Variants in SYNE2 observed in about 807,000 individuals in gnomAD.
The protein encoded by SYNE2 is nesprin-2.
Under a neutral mutation model 856.3 loss-of-function variants are expected in SYNE2, and 431 were observed. The ratio of observed to expected loss-of-function variants is 0.50; its 90% CI spans 0.47 to 0.55. The LOEUF is 0.55. SYNE2 is among the 20% of genes least tolerant of loss of function. SYNE2 has a pLI of 0.00. For synonymous variants in SYNE2, 2,923 were observed against 2,872.3 expected (o/e 1.02, Z -0.56); for missense variants, 8,129 against 8,023.2 (o/e 1.01, Z -0.50).
At chr14:63,784,798 T>C (rs907165337) in intron 1 of SYNE2, among the ~76,000 whole-genome samples, 3 of 151,928 alleles carry the variant, frequency 2.0e-5, no homozygotes, top group Admixed American at 1.3e-4. Context: ...ATAGAGACCC[T>C]GTCTCCTATA....
At chr14:63,955,171 C>T (rs1362126982) in intron 8 of SYNE2, among the ~76,000 whole-genome samples, 1 of 152,264 alleles carries the variant, frequency 6.6e-6, no homozygotes, top group East Asian at 1.9e-4. Context: ...TGATTTTCTT[C>T]TATTATGTTC....
chr14:64,188,736 G>C (rs1555534982), intron 98 of SYNE2, 28 bp downstream of exon 98: 1 of 1,613,094 alleles, frequency 6.2e-7, no homozygotes, highest in South Asian at 1.1e-5. Context: ...GGTGGATGTA[G>C]TTATGACTAC....
At chr14:64,145,813 C>G (rs2098180291) in intron 83 of SYNE2, among the ~76,000 whole-genome samples, 1 of 152,086 alleles carries the variant, frequency 6.6e-6, no homozygotes, top group African/African-American at 2.4e-5. Context: ...ATTTTGTATA[C>G]ATCTGAAACT....
intron 3 of SYNE2, among the ~76,000 whole-genome samples, chr14:63,940,937 T>C (rs1474802545): frequency 2.6e-5 from 4 of 152,238 alleles, no homozygotes; most frequent in African/African-American, 9.6e-5. Context: ...CACATCTCTT[T>C]CATCAAGTGA....
intron 1 of SYNE2, among the ~76,000 whole-genome samples, chr14:63,843,831 A>G (rs914455375): frequency 2.0e-4 from 31 of 152,184 alleles, no homozygotes; most frequent in African/African-American, 7.5e-4. Context: ...GAATAGATTC[A>G]CCTGGGTCAT....
rs753288159 is a variant in SYNE2 at position 64,190,201 on chromosome 14, A to G, written c.18002A>G (p.Asp6001Gly). Residue 6001 changes from aspartate (D) to glycine (G), a missense_variant, in exon 99 of 116, where the codon GAT becomes GGT. Around this residue, in one of 3 missense-constraint regions of SYNE2, gnomAD observed 5,410 missense variants for 5,284.8 expected, o/e 1.02. Coordinates refer to ENST00000555002, the MANE Select transcript of SYNE2 (RefSeq NM_182914.3). ...GATGACAAGCTCAACAAAATTAACG[A>G]TCGTTGGCAACATCTTTTTGATGTC... ...EIDDKLNKIN[D>G]RWQHLFDVIG... is the part of the protein sequence containing the mutation. 4 of 1,614,032 alleles carry G rather than the reference A, an allele frequency of 2.5e-6. No individual in the cohort carries two copies. Among genetic ancestry groups the G allele is most frequent in the Non-Finnish European group, 3.4e-6 (4 of 1,180,034 alleles).
chr14:63,761,975 A>G (rs1886502382), exon 1 of SYNE2: 3 of 362,876 alleles, frequency 8.3e-6, no homozygotes, highest in South Asian at 2.4e-5. Context: ...GGACCCAGTG[A>G]CAGCGTGAGA....
At chr14:64,141,845 G>C in intron 81 of SYNE2, 97 bp from the exon 82 acceptor site, 1 of 1,278,204 alleles carries the variant, frequency 7.8e-7, no homozygotes, top group Non-Finnish European at 1.1e-6. Flanking sequence ...TAATTATATA[G>C]CAAGACCTTT....
chr14:63,987,933 T>C (rs2096638223), intron 19 of SYNE2, among the ~76,000 whole-genome samples: 1 of 152,142 alleles, frequency 6.6e-6, no homozygotes, highest in Non-Finnish European at 1.5e-5. Flanking sequence ...GATAATGTAA[T>C]CTCATTTGTG....
intron 1 of SYNE2, among the ~76,000 whole-genome samples, chr14:63,779,576 C>T (rs1887235636): frequency 6.6e-6 from 1 of 151,906 alleles, no homozygotes; most frequent in Non-Finnish European, 1.5e-5. Context: ...AACATTTCAA[C>T]TCAACATTGT....
intron 94 of SYNE2, chr14:64,173,775 T>C (rs1051111965): frequency 1.9e-6 from 1 of 527,530 alleles, no homozygotes; most frequent in Non-Finnish European, 3.3e-6. Context: ...GGAAAACATA[T>C]TTAGAACAGA....
At position 64,177,369 on chromosome 14, in the gene SYNE2, G is replaced by T. The variant is rs2098439898; in HGVS notation, c.17442G>T (p.Gln5814His). The part of the protein sequence containing the change: ...QFQSTVETWD[Q>H]CEKKIKELKS... ...TTGTTTTCAAATAGACCTGGGACCA[G>T]TGTGAAAAGAAAATCAAGGAGTTGA... The change falls in exon 96 of 116, where the codon CAG becomes CAT. Residue 5814 changes from glutamine to histidine, a missense_variant. Transcript: ENST00000555002. 6.2e-7 allele frequency: 1 copy of T among 1,614,168 alleles called. No homozygotes were observed. The highest frequency in any genetic ancestry group is 8.5e-7 in the Non-Finnish European group (1 of 1,180,026).
intron 1 of SYNE2, among the ~76,000 whole-genome samples, chr14:63,822,420 A>C: frequency 6.6e-6 from 1 of 152,126 alleles, no homozygotes; most frequent in East Asian, 1.9e-4. Flanking sequence ...ATTTGACCTG[A>C]GTAGGCTCAC....
intron 2 of SYNE2, among the ~76,000 whole-genome samples, chr14:63,927,761 G>A (rs966341438): frequency 3.3e-5 from 5 of 151,884 alleles, no homozygotes; most frequent in Non-Finnish European, 5.9e-5. Flanking sequence ...GTGTGGGGTC[G>A]CGCGCCTGCA....
chr14:64,158,281 A>G (rs1219202456), intron 85 of SYNE2, among the ~76,000 whole-genome samples: 1 of 152,214 alleles, frequency 6.6e-6, no homozygotes, highest in East Asian at 1.9e-4. Flanking sequence ...CTAGGGTCCA[A>G]TAAGTTGCCC....
chr14:64,165,607 G>C (rs1208762444), intron 90 of SYNE2, among the ~76,000 whole-genome samples, 197 bp downstream of exon 90: 1 of 151,514 alleles, frequency 6.6e-6, no homozygotes, highest in Non-Finnish European at 1.5e-5. Flanking sequence ...CCACCTCCCG[G>C]GTTCAAGCCA....
chr14:64,165,602 T>G (rs1003945515), intron 90 of SYNE2, among the ~76,000 whole-genome samples, 192 bp downstream of exon 90: 1 of 150,788 alleles, frequency 6.6e-6, no homozygotes, highest in Non-Finnish European at 1.5e-5. Context: ...AACCTCCACC[T>G]CCCGGGTTCA....
chr14:64,138,795 A>G (rs1041598000), intron 79 of SYNE2, among the ~76,000 whole-genome samples: 1 of 152,112 alleles, frequency 6.6e-6, no homozygotes, highest in African/African-American at 2.4e-5. Flanking sequence ...AATCTAAGGC[A>G]GTTTAAAAGT....
At chr14:63,785,962 G>T (rs987158710) in intron 1 of SYNE2, among the ~76,000 whole-genome samples, 1 of 152,158 alleles carries the variant, frequency 6.6e-6, no homozygotes, top group African/African-American at 2.4e-5. Flanking sequence ...TTAAAAATTA[G>T]CTGGGCAGCC....
Sources: allele counts gnomAD v4.1 joint callset (sites outside exome capture counted in the v4.1 genomes callset), GRCh38; gene constraint gnomAD v4.1.1; regional missense constraint gnomAD v4.1.1; transcripts MANE v1.5; gene names NCBI Gene and HGNC (gene_info 2026-07-23, HGNC 2026-07-21).